Variants in RGS7 observed in about 807,000 individuals in gnomAD.
RGS7 encodes the protein regulator of G-protein signaling 7.
A neutral mutation model predicts 81.1 loss-of-function variants in RGS7; 27 were observed. The observed-to-expected ratio is 0.33, with a 90% CI of 0.25 to 0.46. RGS7 has a LOEUF of 0.46. Among genes scored for constraint, RGS7 ranks in the 20% least tolerant of loss-of-function variants. The pLI, the probability that RGS7 is intolerant of heterozygous loss-of-function variation, is 1.00. For missense variants in RGS7, 396 were observed against 607.4 expected (o/e 0.65, Z 3.66); for synonymous variants, 208 against 207.7 (o/e 1.00, Z -0.01).
At chr1:241,121,755 G>T (rs7547400) in intron 2 of RGS7, among the ~76,000 whole-genome samples, 64,953 of 129,684 alleles carry the variant, frequency 0.5, 17,934 homozygotes, top group African/African-American at 0.75. Context: ...TTTCACTCTG[G>T]TACCCAGTCT....
intron 4 of RGS7, among the ~76,000 whole-genome samples, chr1:240,950,016 C>T (rs1008731666): frequency 6.6e-6 from 1 of 152,178 alleles, no homozygotes; most frequent in Admixed American, 6.5e-5. Context: ...GACAAACCTC[C>T]ATTCCAAAAT....
chr1:240,857,316 T>C (rs544873352), intron 9 of RGS7, among the ~76,000 whole-genome samples: 29 of 152,170 alleles, frequency 1.9e-4, no homozygotes, highest in African/African-American at 6.7e-4. Flanking sequence ...CACCCCAAAG[T>C]CCCCTGTATT....
At chr1:241,152,590 C>T (rs190523060) in intron 2 of RGS7, among the ~76,000 whole-genome samples, 10 of 152,260 alleles carry the variant, frequency 6.6e-5, no homozygotes, top group Non-Finnish European at 1.0e-4. Flanking sequence ...TCATGCTCCT[C>T]GTCAGGTACT....
chr1:240,834,476 T>C (rs1348740507), intron 9 of RGS7, among the ~76,000 whole-genome samples: 1 of 152,082 alleles, frequency 6.6e-6, no homozygotes, highest in Admixed American at 6.6e-5. Flanking sequence ...TGGTAAGGAC[T>C]TTGGTTTAAT....
Position 241,355,762 on chromosome 1 carries a change from A to T in RGS7, c.15T>A (p.Asn5Lys). The T allele has an allele frequency of 1.2e-6, 2 of 1,614,112 alleles. No individual in the cohort carries two copies. Among genetic ancestry groups the T allele is most frequent in the Non-Finnish European group, 1.7e-6 (2 of 1,180,020 alleles). The change falls in exon 2 of 19, where the codon AAT (asparagine) becomes AAA (lysine). Residue 5 changes from asparagine to lysine, a missense_variant. Coordinates refer to ENST00000440928, the MANE Select transcript of RGS7 (RefSeq NM_001364886.1). ...CCCCGTTGCTGGTCTGCCCATAATT[A>T]TTCCCCTGGGCCATGTCACCCAAAA... MAQG[N>K]NYGQTSNGVA...
chr1:240,843,000 T>TA (rs557878761), intron 9 of RGS7, among the ~76,000 whole-genome samples: 2 of 151,348 alleles, frequency 1.3e-5, no homozygotes, highest in South Asian at 2.1e-4. Context: ...CCATCTCTAC[T>TA]AAAAAAATAC....
intron 9 of RGS7, among the ~76,000 whole-genome samples, chr1:240,833,652 C>T (rs981567901): frequency 9.9e-5 from 15 of 152,182 alleles, no homozygotes; most frequent in East Asian, 1.9e-4. Context: ...AAAGAGTCAC[C>T]GCTTTGTAAT....
chr1:241,184,355 T>G (rs1395010874), intron 2 of RGS7, among the ~76,000 whole-genome samples: 1 of 152,208 alleles, frequency 6.6e-6, no homozygotes, highest in African/African-American at 2.4e-5. Flanking sequence ...AAAAATAACC[T>G]GTAAGTACCT....
At chr1:240,997,973 T>C (rs1253196836) in intron 3 of RGS7, among the ~76,000 whole-genome samples, 1 of 152,246 alleles carries the variant, frequency 6.6e-6, no homozygotes, top group Non-Finnish European at 1.5e-5. Context: ...TTAATCATTC[T>C]GTTAGAGTTC....
intron 5 of RGS7, among the ~76,000 whole-genome samples, chr1:240,933,081 A>T (rs1210665819): frequency 6.7e-6 from 1 of 148,406 alleles, no homozygotes; most frequent in Non-Finnish European, 1.5e-5. Flanking sequence ...ACGGGGTTTC[A>T]CCGTGTTAGC....
intron 2 of RGS7, among the ~76,000 whole-genome samples, chr1:241,192,287 T>TGTGTGTGTG: frequency 1.5e-5 from 2 of 131,910 alleles, no homozygotes; most frequent in African/African-American, 6.1e-5. Flanking sequence ...GTGTGTGTGT[T>TGTGTGTGTG]TGGTTTGCTT....
intron 2 of RGS7, among the ~76,000 whole-genome samples, chr1:241,219,558 T>C (rs1442132421): frequency 1.3e-5 from 2 of 152,252 alleles, no homozygotes; most frequent in South Asian, 4.1e-4. Context: ...CAGTCTGAGA[T>C]GGTCAGAGTT....
Position 240,983,059 on chromosome 1 carries a change from T to C in RGS7, c.226+20A>G, listed in dbSNP as rs371062931. ...ACCACTAAGAAAAAAGTTCTTGCAA[T>C]GGGAAAATGATTTATTTACCTGGAT... On this transcript the variant is annotated intron_variant, in intron 4 of 18. Coordinates refer to ENST00000440928, the MANE Select transcript of RGS7 (RefSeq NM_001364886.1). 2 of 1,438,518 alleles carry C rather than the reference T, an allele frequency of 1.4e-6. No individual in the cohort carries two copies. Among genetic ancestry groups the C allele is most frequent in the Non-Finnish European group, 2.0e-6 (2 of 1,023,444 alleles). The allele number at this position is 1,438,518 out of a possible 1,614,324, so 89.1% of individuals were successfully genotyped here.
chr1:241,258,676 A>T (rs10926444), intron 2 of RGS7, among the ~76,000 whole-genome samples: 20,611 of 152,194 alleles, frequency 0.14, 1,503 homozygotes, highest in East Asian at 0.21. Flanking sequence ...CAAGGAACAG[A>T]CACCCTTGCA....
At chr1:240,806,413 T>C (rs917363916) in intron 14 of RGS7, 87 bp from the exon 15 acceptor site, 138 of 1,304,534 alleles carry the variant, frequency 1.1e-4, no homozygotes, top group Non-Finnish European at 1.4e-4. Flanking sequence ...CAGTTCATCA[T>C]GACGACTCAC....
chr1:241,327,110 GAAA>G (rs1351679090), intron 2 of RGS7, among the ~76,000 whole-genome samples: 3 of 99,934 alleles, frequency 3.0e-5, no homozygotes, highest in Non-Finnish European at 4.3e-5. Context: ...AAGAAAGAAA[GAAA>G]GAAAGAAAGA....
In RGS7 at chr1:241,144,738, G is replaced by A. The variant is rs539162724; in HGVS notation, c.79-45976C>T. Reference sequence around the variant, plus strand: ...GGCAGCAACAAGCCTGCAGCACAGCGCTACCAGCCAGCTAGCCAACCCCAC... The same window carrying A: ...GGCAGCAACAAGCCTGCAGCACAGCACTACCAGCCAGCTAGCCAACCCCAC... On this transcript the variant is annotated intron_variant, in intron 2 of 18. Coordinates refer to ENST00000440928, the MANE Select transcript of RGS7 (RefSeq NM_001364886.1). The surrounding 1 kb of genome is among the most constrained non-coding windows in gnomAD (Gnocchi z 4.7). Among the ~76,000 whole-genome samples the A allele has an allele frequency of 2.6e-5, 4 of 152,280 alleles. No individual in the cohort carries two copies. The highest frequency in any genetic ancestry group is 6.5e-5 in the Admixed American group (1 of 15,302).
At chr1:240,920,713 G>A (rs1315123654) in intron 6 of RGS7, 6 of 628,638 alleles carry the variant, frequency 9.5e-6, no homozygotes, top group Middle Eastern at 4.3e-4. Context: ...GTGGTGGCAG[G>A]GCCTAGCTGC....
chr1:241,344,799 C>T (rs1483875769), intron 2 of RGS7, among the ~76,000 whole-genome samples: 1 of 152,190 alleles, frequency 6.6e-6, no homozygotes, highest in African/African-American at 2.4e-5. Flanking sequence ...GGAGTTTCAA[C>T]ATTAGCTTAG....
Sources: allele counts gnomAD v4.1 joint callset (sites outside exome capture counted in the v4.1 genomes callset), GRCh38; gene constraint gnomAD v4.1.1; non-coding constraint Gnocchi (gnomAD v3.1); transcripts MANE v1.5; gene names NCBI Gene and HGNC (gene_info 2026-07-23, HGNC 2026-07-21).